CHMP7: variants seen among roughly 807,000 people sequenced by gnomAD.
The protein encoded by CHMP7 is charged multivesicular body protein 7.
In CHMP7, 15 loss-of-function variants were observed where a neutral mutation model predicts 53.7. That is an observed-to-expected ratio of 0.28 (90% CI 0.19 to 0.43). CHMP7 has a LOEUF of 0.43. CHMP7 is among the 20% of genes least tolerant of loss of function. CHMP7 has a pLI of 1.00. For missense variants in CHMP7, 527 were observed against 569.4 expected (o/e 0.93, Z 0.76); for synonymous variants, 261 against 228.0 (o/e 1.14, Z -1.30).
intron 2 of CHMP7, chr8:23,248,299 A>G (rs565329310): frequency 7.2e-6 from 3 of 414,970 alleles, no homozygotes; most frequent in African/African-American, 6.1e-5. Context: ...GGTGGTATTA[A>G]AGTCTCTTCT....
rs373288680 is a variant in CHMP7 at position 23,252,195 on chromosome 8, C to CTTTTTTTTTTTTTTTTTTTTTTT, written c.471+2828_471+2829insTTTTTTTTTTTTTTTTTTTTTTT. Reference sequence around the variant, plus strand: ...CCTTTCCTGTTTTGTATTGTGTTATCTTTTTTTTTTTTTTGAGATGGAGTT... The same window carrying CTTTTTTTTTTTTTTTTTTTTTTT: ...CCTTTCCTGTTTTGTATTGTGTTATCTTTTTTTTTTTTTTTTTTTTTTTTTTTTTTTTTTTTTGAGATGGAGTT... On this transcript the variant is annotated intron_variant, in intron 3 of 10. Transcript: ENST00000397677. 5.8e-4 allele frequency among the ~76,000 whole-genome samples: 61 copies of CTTTTTTTTTTTTTTTTTTTTTTT among 105,286 alleles called. 2 individuals carry two copies. Among genetic ancestry groups the CTTTTTTTTTTTTTTTTTTTTTTT allele is most frequent in the Non-Finnish European group, 9.4e-4 (46 of 49,068 alleles). The allele number at this position is 105,286 out of a possible 152,430, so 69.1% of individuals were successfully genotyped here. A position where few individuals can be genotyped will look rare whatever the true frequency, so the allele number is the denominator to read the frequency against.
At chr8:23,256,687 TG>T in intron 5 of CHMP7, 94 bp downstream of exon 5, 3 of 792,308 alleles carry the variant, frequency 3.8e-6, no homozygotes, top group South Asian at 5.3e-5. Flanking sequence ...AAAAAATAGG[TG>T]GGTTTTTTTT....
intron 3 of CHMP7, among the ~76,000 whole-genome samples, chr8:23,253,897 C>T (rs1277610789): frequency 1.3e-5 from 2 of 152,132 alleles, no homozygotes; most frequent in African/African-American, 4.8e-5. Context: ...AATCCATCGT[C>T]TCCCAATTGG....
intron 3 of CHMP7, chr8:23,252,279 G>A (rs1031948228): frequency 2.8e-5 from 4 of 141,424 alleles, no homozygotes; most frequent in Admixed American, 7.8e-5. Context: ...TCCGCCTTTC[G>A]GGTTCACGCC....
intron 2 of CHMP7, among the ~76,000 whole-genome samples, chr8:23,248,486 G>A (rs918894478): frequency 2.0e-5 from 3 of 152,184 alleles, no homozygotes; most frequent in Non-Finnish European, 4.4e-5. Flanking sequence ...CTTGAGGGCC[G>A]GCTGGCCTAG....
intron 3 of CHMP7, 93 bp downstream of exon 3, chr8:23,249,474 C>G: frequency 1.0e-6 from 1 of 1,004,766 alleles, no homozygotes; most frequent in Non-Finnish European, 1.4e-6. Flanking sequence ...AAGACCGTCT[C>G]TTTTTTTACA....
intron 4 of CHMP7, among the ~76,000 whole-genome samples, chr8:23,255,854 C>T (rs1037260960): frequency 2.1e-4 from 32 of 151,992 alleles, no homozygotes; most frequent in African/African-American, 7.0e-4. Context: ...CTCCGCCTCC[C>T]GGGTTCAAGC....
At chr8:23,260,028 C>T (rs1585318979) in intron 9 of CHMP7, 116 bp from the exon 10 acceptor site, 3 of 756,440 alleles carry the variant, frequency 4.0e-6, no homozygotes, top group Admixed American at 2.8e-5. Context: ...TTTTAATCTG[C>T]AAGGAGGCCT....
chr8:23,260,677 C>A lies in CHMP7; in HGVS notation c.*78C>A. 1.8e-6 allele frequency: 2 copies of A among 1,119,876 alleles called. No individual in the cohort carries two copies. Among genetic ancestry groups the A allele is most frequent in the Non-Finnish European group, 2.7e-6 (2 of 731,702 alleles). The allele number at this position is 1,119,876 out of a possible 1,614,324, so 69.4% of individuals were successfully genotyped here. A position where few individuals can be genotyped will look rare whatever the true frequency, so the allele number is the denominator to read the frequency against. On this transcript the variant is annotated 3_prime_UTR_variant, in exon 11 of 11. Transcript: ENST00000397677. Reference sequence around the variant, plus strand: ...TGTACATAGTTATTTAAACAAGAAACTCTCAGAATGTGTTTGGAAGAGGAG... The same window carrying A: ...TGTACATAGTTATTTAAACAAGAAAATCTCAGAATGTGTTTGGAAGAGGAG...
chr8:23,260,868 T>C lies in CHMP7; in HGVS notation c.*269T>C. 4.1e-6 allele frequency: 2 copies of C among 489,052 alleles called. No individual in the cohort carries two copies. The highest frequency in any genetic ancestry group is 3.6e-6 in the Non-Finnish European group (1 of 275,220). The allele number at this position is 489,052 out of a possible 1,614,324, so 30.3% of individuals were successfully genotyped here. A position where few individuals can be genotyped will look rare whatever the true frequency, so the allele number is the denominator to read the frequency against. ...GTCCTGTGTCTGACCTGTCATTTCA[T>C]AGCCTGCAGTTCTTGCCATTGGCAC... On this transcript the variant is annotated 3_prime_UTR_variant, in exon 11 of 11. Coordinates refer to ENST00000397677, the MANE Select transcript of CHMP7 (RefSeq NM_152272.5).
Position 23,243,740 on chromosome 8 carries a change from G to A in CHMP7, c.-545G>A. 1 of 155,524 alleles carries A rather than the reference G, an allele frequency of 6.4e-6. No individual in the cohort carries two copies. Among genetic ancestry groups the A allele is most frequent in the Non-Finnish European group, 1.4e-5 (1 of 70,556 alleles). The allele number at this position is 155,524 out of a possible 1,614,324, so 9.6% of individuals were successfully genotyped here. A position where few individuals can be genotyped will look rare whatever the true frequency, so the allele number is the denominator to read the frequency against. On this transcript the variant is annotated 5_prime_UTR_variant, in exon 1 of 11. Coordinates refer to ENST00000397677, the MANE Select transcript of CHMP7 (RefSeq NM_152272.5). ...TCTCTTGGCCAACCTTACGGTAGCT[G>A]TACCAGTTTGCATTTCCACCAGCAA...
Position 23,256,578 on chromosome 8 carries a change from C to T in CHMP7, c.776C>T (p.Ser259Phe). The change falls in exon 5 of 11, where the codon TCC (serine) becomes TTC (phenylalanine). Residue 259 changes from serine to phenylalanine, a missense_variant. Transcript: ENST00000397677. ...CTCTCACGCAAAGTGGAGTCCTTAT[C>T]CCAGGAAGCAGAGAGGTAACTTTTA... ...QLLSRKVESLSQEAERCKEEA... is the reference protein window; with the variant it reads ...QLLSRKVESLFQEAERCKEEA... 1 of 1,613,954 alleles carries T rather than the reference C, an allele frequency of 6.2e-7. No individual in the cohort carries two copies. Among genetic ancestry groups the T allele is most frequent in the Non-Finnish European group, 8.5e-7 (1 of 1,179,904 alleles).
At chr8:23,259,898 G>A in intron 9 of CHMP7, 1 of 456,604 alleles carries the variant, frequency 2.2e-6, no homozygotes. Context: ...CTCCTTCAAG[G>A]GCAGTGGGAA....
chr8:23,249,520 C>G (rs760089334), intron 3 of CHMP7, 139 bp downstream of exon 3: 2 of 613,120 alleles, frequency 3.3e-6, no homozygotes, highest in East Asian at 3.1e-5. Context: ...TATCTGCTCT[C>G]CCTTGTACTT....
At chr8:23,249,534 CT>C (rs1451303568) in intron 3 of CHMP7, among the ~76,000 whole-genome samples, 153 bp downstream of exon 3, 4 of 152,298 alleles carry the variant, frequency 2.6e-5, no homozygotes, top group East Asian at 3.9e-4. Context: ...TGTACTTGCA[CT>C]TTGTAATATT....
At chr8:23,255,029 C>T (rs1736021350) in intron 3 of CHMP7, 4 of 589,948 alleles carry the variant, frequency 6.8e-6, no homozygotes, top group Non-Finnish European at 1.2e-5. Flanking sequence ...CTCCCAGCAT[C>T]TCATGTGCCT....
At chr8:23,245,586 T>A (rs1184741245) in intron 1 of CHMP7, among the ~76,000 whole-genome samples, 1 of 152,222 alleles carries the variant, frequency 6.6e-6, no homozygotes, top group East Asian at 1.9e-4. Flanking sequence ...TGTTTTTTCT[T>A]TCTTGTAATG....
chr8:23,258,917 C>T, intron 8 of CHMP7, 87 bp downstream of exon 8: 1 of 1,114,196 alleles, frequency 9.0e-7, no homozygotes, highest in Non-Finnish European at 1.4e-6. Context: ...TTTAACGAAA[C>T]CTGACTTGTG....
intron 3 of CHMP7, among the ~76,000 whole-genome samples, chr8:23,250,259 C>T (rs546094518): frequency 6.6e-6 from 1 of 152,296 alleles, no homozygotes; most frequent in Admixed American, 6.5e-5. Context: ...TTTCTGTCCT[C>T]TTACCCCAAG....
Sources: gnomAD v4.1 joint callset for allele counts (sites outside exome capture counted in the v4.1 genomes callset) on GRCh38, gnomAD v4.1.1 for gene constraint, MANE v1.5 for transcripts, NCBI Gene and HGNC (gene_info 2026-07-23, HGNC 2026-07-21) for gene names.